The following AKAP13 variants were observed in gnomAD, a reference collection of about 807,000 sequenced individuals.
AKAP13 encodes the protein A-kinase anchor protein 13.
A neutral mutation model predicts 264.5 loss-of-function variants in AKAP13; 80 were observed. The ratio of observed to expected loss-of-function variants is 0.30; its 90% CI spans 0.25 to 0.36. AKAP13 has a LOEUF of 0.36. Ranked by LOEUF, AKAP13 falls within the 10% of genes least tolerant of loss-of-function variation. The pLI, the probability that AKAP13 is intolerant of heterozygous loss-of-function variation, is 1.00. For missense variants in AKAP13, 3,712 were observed against 3,435.2 expected (o/e 1.08, Z -2.01); for synonymous variants, 1,380 against 1,250.2 (o/e 1.10, Z -2.19).
intron 2 of AKAP13, among the ~76,000 whole-genome samples, chr15:85,496,909 C>A (rs1205429352): frequency 6.6e-6 from 1 of 151,866 alleles, no homozygotes; most frequent in Non-Finnish European, 1.5e-5. Flanking sequence ...CAGTTTCTTT[C>A]TGTTGGACTT....
intron 36 of AKAP13, chr15:85,744,175 C>G (rs140765902): frequency 1.4e-4 from 45 of 312,550 alleles, no homozygotes; most frequent in African/African-American, 9.0e-4. Context: ...ATTTAACCCT[C>G]AAATGACTGT....
At chr15:85,499,766 C>T (rs973316755) in intron 2 of AKAP13, among the ~76,000 whole-genome samples, 6 of 152,086 alleles carry the variant, frequency 3.9e-5, no homozygotes, top group African/African-American at 1.4e-4. Flanking sequence ...CCTGTGGATC[C>T]ATCACTCCTA....
At chr15:85,607,444 T>A (rs2080401615) in intron 8 of AKAP13, among the ~76,000 whole-genome samples, 1 of 152,246 alleles carries the variant, frequency 6.6e-6, no homozygotes, top group South Asian at 2.1e-4. Context: ...CATACATTAA[T>A]TCATTTATTG....
chr15:85,701,483 A>C (rs573228916), intron 17 of AKAP13, among the ~76,000 whole-genome samples: 1 of 152,116 alleles, frequency 6.6e-6, no homozygotes, highest in East Asian at 1.9e-4. Context: ...TCTGTCACCT[A>C]GGCTGGAGTA....
intron 2 of AKAP13, among the ~76,000 whole-genome samples, chr15:85,489,385 T>G (rs1338750688): frequency 6.6e-6 from 1 of 152,228 alleles, no homozygotes; most frequent in Non-Finnish European, 1.5e-5. Context: ...ACAGTAATAC[T>G]TAATGGGGCA....
At chr15:85,549,985 C>T (rs1231369070) in intron 5 of AKAP13, among the ~76,000 whole-genome samples, 3 of 152,112 alleles carry the variant, frequency 2.0e-5, no homozygotes, top group Admixed American at 6.5e-5. Flanking sequence ...GGCATGATTC[C>T]GGCTCACTGC....
chr15:85,510,556 T>A (rs920210210), intron 2 of AKAP13, among the ~76,000 whole-genome samples: 1 of 152,210 alleles, frequency 6.6e-6, no homozygotes, highest in Non-Finnish European at 1.5e-5. Context: ...TAAAAAATGA[T>A]CCCAGTAATG....
chr15:85,585,845 A>T, intron 8 of AKAP13, 22 bp downstream of exon 8: 5 of 1,612,424 alleles, frequency 3.1e-6, no homozygotes, highest in Non-Finnish European at 2.5e-6. Context: ...CAGTAAGTCT[A>T]TAAGGGCACA....
chr15:85,617,717 C>T (rs575871558), intron 8 of AKAP13, among the ~76,000 whole-genome samples: 5 of 152,170 alleles, frequency 3.3e-5, no homozygotes, highest in South Asian at 4.1e-4. Flanking sequence ...AGAAGAAGGG[C>T]GAGTTCTACA....
At chr15:85,486,226 T>C (rs190513651) in intron 2 of AKAP13, among the ~76,000 whole-genome samples, 27 of 152,310 alleles carry the variant, frequency 1.8e-4, no homozygotes, top group Non-Finnish European at 2.6e-4. Context: ...CATTTCACTT[T>C]CTTGATGCTA....
At chr15:85,413,689 G>A (rs1279022279) in intron 1 of AKAP13, among the ~76,000 whole-genome samples, 1 of 152,198 alleles carries the variant, frequency 6.6e-6, no homozygotes, top group Non-Finnish European at 1.5e-5. Context: ...TTCAGCTCCG[G>A]ACGGTGAGAT....
At chr15:85,561,419 G>C (rs528844120) in intron 5 of AKAP13, among the ~76,000 whole-genome samples, 28 of 152,140 alleles carry the variant, frequency 1.8e-4, no homozygotes, top group Non-Finnish European at 3.5e-4. Flanking sequence ...AAGGTTAAAA[G>C]GTTACTTTAG....
intron 16 of AKAP13, among the ~76,000 whole-genome samples, chr15:85,690,641 A>G (rs935544121): frequency 8.5e-5 from 13 of 152,232 alleles, no homozygotes; most frequent in African/African-American, 1.4e-4. Flanking sequence ...AGATCTAGCA[A>G]TTATTTACCA....
chr15:85,393,737 A>G (rs766562863), intron 1 of AKAP13, among the ~76,000 whole-genome samples: 22 of 152,048 alleles, frequency 1.4e-4, no homozygotes, highest in Admixed American at 2.6e-4. Flanking sequence ...TCTCAAGTCA[A>G]TGAACTACAA....
chr15:85,432,093 C>T (rs968891243), intron 1 of AKAP13, among the ~76,000 whole-genome samples: 3 of 148,026 alleles, frequency 2.0e-5, no homozygotes, highest in Admixed American at 6.7e-5. Flanking sequence ...GATTAGTTCT[C>T]ATTTCTTTTT....
intron 1 of AKAP13, among the ~76,000 whole-genome samples, chr15:85,456,251 T>G (rs766585681): frequency 6.6e-6 from 1 of 152,198 alleles, no homozygotes; most frequent in Non-Finnish European, 1.5e-5. Flanking sequence ...GTTTAATTGT[T>G]TAGTCACTTG....
intron 8 of AKAP13, among the ~76,000 whole-genome samples, chr15:85,613,017 CTTTTGT>C (rs899401048): frequency 1.3e-4 from 19 of 151,964 alleles, no homozygotes; most frequent in Admixed American, 1.1e-3. Context: ...TATGAAGTAG[CTTTTGT>C]TTTTGTTTTT....
In AKAP13 at chr15:85,735,017, T is replaced by C; in HGVS notation, c.7308T>C (p.Ser2436=). 1.2e-6 allele frequency: 2 copies of C among 1,614,040 alleles called. No homozygotes were observed. The highest frequency in any genetic ancestry group is 2.2e-5 in the East Asian group (1 of 44,882). ...TGGAGATCCTTCAGGGTTTGGTGAGTGGAAATCTGGGAGGCACACTTGGGC... is the reference window on the plus strand; with the variant it reads ...TGGAGATCCTTCAGGGTTTGGTGAGCGGAAATCTGGGAGGCACACTTGGGC... ...NEVEILQGLV[S]GNLGGTLGPT... Residue 2436 remains serine (S), a synonymous_variant, in exon 31 of 37, where the codon AGT becomes AGC. Coordinates refer to ENST00000394518, the MANE Select transcript of AKAP13 (RefSeq NM_007200.5).
rs116392964 is a variant in AKAP13 at position 85,600,872 on chromosome 15, G to A, written c.4161+15049G>A. 8.9e-3 allele frequency among the ~76,000 whole-genome samples: 1,357 copies of A among 152,270 alleles called. 18 individuals carry two copies. The highest frequency in any genetic ancestry group is 0.031 in the African/African-American group (1,302 of 41,548). The stretch of plus-strand genomic sequence containing the variant: ...GCTCTTCCTAATATCACTTTCCCCA[G>A]GAGTGGGAAGACCCTCTTACAATTA... On this transcript the variant is annotated intron_variant, in intron 8 of 36. Transcript: ENST00000394518.
Sources: allele counts gnomAD v4.1 joint callset (sites outside exome capture counted in the v4.1 genomes callset), GRCh38; gene constraint gnomAD v4.1.1; transcripts MANE v1.5; gene names NCBI Gene and HGNC (gene_info 2026-07-23, HGNC 2026-07-21).